Variants in MYO1F observed in about 807,000 individuals in gnomAD.
The protein encoded by MYO1F is myosin IF, also known as unconventional myosin-If.
Under a neutral mutation model 146.6 loss-of-function variants are expected in MYO1F, and 60 were observed. The ratio of observed to expected loss-of-function variants is 0.41; its 90% confidence interval spans 0.33 to 0.51. MYO1F has a LOEUF of 0.51. MYO1F is among the 20% of genes least tolerant of loss of function. The pLI is 0.25. For missense variants in MYO1F, 1,274 were observed against 1,534.3 expected (o/e 0.83, Z 2.83); for synonymous variants, 602 against 602.1 (o/e 1.00, Z 0.00).
chr19:8,528,348 G>C (rs1972350692), intron 21 of MYO1F, among the ~76,000 whole-genome samples: 1 of 151,926 alleles, frequency 6.6e-6, no homozygotes, highest in African/African-American at 2.4e-5. Context: ...CTAATACCAT[G>C]AAACCCCATC....
At chr19:8,562,734 A>G (rs1296369354) in intron 1 of MYO1F, among the ~76,000 whole-genome samples, 2 of 148,994 alleles carry the variant, frequency 1.3e-5, no homozygotes, top group East Asian at 2.0e-4. Flanking sequence ...GGGTCTCCCT[A>G]TGTTGCCCAG....
chr19:8,531,252 C>T (rs1302158244), intron 19 of MYO1F, among the ~76,000 whole-genome samples: 1 of 151,944 alleles, frequency 6.6e-6, no homozygotes, highest in Non-Finnish European at 1.5e-5. Context: ...GAGGCTGAGG[C>T]AGGAGAATCA....
Position 8,557,026 on chromosome 19 carries a change from C to T in MYO1F, c.4-1230G>A, listed in dbSNP as rs180965514. 3.1e-3 allele frequency among the ~76,000 whole-genome samples: 467 copies of T among 152,144 alleles called. 12 individuals carry two copies. Among genetic ancestry groups the T allele is most frequent in the Admixed American group, 0.026 (403 of 15,256 alleles). ...TGGGGCCAGACGCAATGGCTCACAC[C>T]TGTAATCCCAGCACTTTGGGAGGCC... On this transcript the variant is annotated intron_variant, in intron 1 of 27. Transcript: ENST00000644032.
At chr19:8,533,119 G>A (rs1972559530) in intron 19 of MYO1F, among the ~76,000 whole-genome samples, 1 of 151,876 alleles carries the variant, frequency 6.6e-6, no homozygotes, top group South Asian at 2.1e-4. Flanking sequence ...GCAGTGGTGC[G>A]ATCTCGGCTC....
rs753313833 is a variant in MYO1F at position 8,554,586 on chromosome 19, C to T, written c.232-15G>A. ...TCATACTGGGCCTGGCAGGGGAGGTCAGGTCTCAGCCCAGGGCTGGGGGCC... is the reference window on the plus strand; with the variant it reads ...TCATACTGGGCCTGGCAGGGGAGGTTAGGTCTCAGCCCAGGGCTGGGGGCC... On this transcript the variant is annotated splice_polypyrimidine_tract_variant and intron_variant, in intron 3 of 27. Transcript: ENST00000644032. 7 of 1,611,964 alleles carry T rather than the reference C, an allele frequency of 4.3e-6. No individual in the cohort carries two copies. In the African/African-American group the frequency reaches 8.0e-5, roughly 18 times the overall value.
rs201910417 is a variant in MYO1F at position 8,551,758 on chromosome 19, G to A, written c.753C>T (p.Ser251=). The change falls in exon 8 of 28, where the codon AGC becomes AGT. Residue 251 remains serine (S), a synonymous_variant. Coordinates refer to ENST00000644032, the MANE Select transcript of MYO1F (RefSeq NM_012335.4). ...TGCTCACCAGAGTCTCACCAAAGTC[G>A]CTTCTGTCGTCCGTGCCGTCCACCT... ...TYQVDGTDDR[S]DFGETLSAMQ... 46 of 1,614,006 alleles carry A rather than the reference G, an allele frequency of 2.9e-5. 1 individual carries two copies. The Admixed American group carries it at 3.0e-4, about 11-fold the overall frequency.
chr19:8,554,809 C>T, intron 2 of MYO1F, 66 bp from the exon 3 acceptor site: 1 of 1,432,322 alleles, frequency 7.0e-7, no homozygotes, highest in Non-Finnish European at 9.8e-7. Flanking sequence ...CCTCATCCTG[C>T]CCCCACCCAG....
At chr19:8,563,845 T>C (rs2041951998) in intron 1 of MYO1F, among the ~76,000 whole-genome samples, 2 of 151,402 alleles carry the variant, frequency 1.3e-5, no homozygotes, top group Admixed American at 1.3e-4. Context: ...GCCAGGCTGG[T>C]CTCAAACTCC....
At chr19:8,547,300 C>CAAAAAAA (rs1196814670) in intron 12 of MYO1F, among the ~76,000 whole-genome samples, 1 of 44,994 alleles carries the variant, frequency 2.2e-5, no homozygotes. Flanking sequence ...GTTCCTGTCT[C>CAAAAAAA]AAAAAAAAAA....
At chr19:8,564,428 G>A (rs1339038506) in intron 1 of MYO1F, among the ~76,000 whole-genome samples, 3 of 152,122 alleles carry the variant, frequency 2.0e-5, no homozygotes, top group African/African-American at 7.2e-5. Context: ...TGCACTGAGA[G>A]TCCCTGGGGT....
intron 21 of MYO1F, chr19:8,529,765 A>C (rs1208171517): frequency 3.1e-6 from 1 of 324,270 alleles, no homozygotes; most frequent in African/African-American, 2.2e-5. Context: ...CTACAAGTGC[A>C]TGTTTGATGG....
intron 22 of MYO1F, 115 bp downstream of exon 22, chr19:8,527,223 G>T: frequency 7.1e-7 from 1 of 1,415,992 alleles, no homozygotes; most frequent in Non-Finnish European, 9.8e-7. Context: ...GCCAACAGAG[G>T]GCTACAGGCA....
chr19:8,544,809 T>C (rs2145893873), intron 13 of MYO1F, among the ~76,000 whole-genome samples: 1 of 152,184 alleles, frequency 6.6e-6, no homozygotes, highest in South Asian at 2.1e-4. Flanking sequence ...GGAGTCTTGC[T>C]CTCTTGCCCA....
chr19:8,551,922 C>T (rs745399653), intron 7 of MYO1F, 48 bp from the exon 8 acceptor site: 18 of 1,613,810 alleles, frequency 1.1e-5, no homozygotes, highest in Middle Eastern at 1.6e-4. Context: ...CTGGCTCAGC[C>T]CCTGTGATCC....
chr19:8,527,602 A>G, intron 21 of MYO1F, 119 bp from the exon 22 acceptor site: 3 of 1,257,484 alleles, frequency 2.4e-6, no homozygotes. Flanking sequence ...GGAGCCCTCC[A>G]GGTGAAGGTG....
chr19:8,551,897 G>A, intron 7 of MYO1F, 23 bp from the exon 8 acceptor site: 2 of 1,614,020 alleles, frequency 1.2e-6, no homozygotes, highest in African/African-American at 1.3e-5. Flanking sequence ...CCATGTTCAT[G>A]CATCTGGTGC....
chr19:8,553,057 G>A (rs912604467), intron 6 of MYO1F, 82 bp downstream of exon 6: 68 of 1,289,268 alleles, frequency 5.3e-5, no homozygotes, highest in Non-Finnish European at 7.3e-5. Flanking sequence ...TTGGCAATAC[G>A]GGTGTGTGTA....
intron 12 of MYO1F, among the ~76,000 whole-genome samples, chr19:8,546,985 T>G (rs1973386639): frequency 6.6e-6 from 1 of 151,986 alleles, no homozygotes; most frequent in African/African-American, 2.4e-5. Context: ...AGCCTCTCTC[T>G]CTCTCTTTGT....
intron 21 of MYO1F, chr19:8,529,914 G>T: frequency 1.7e-6 from 1 of 582,872 alleles, no homozygotes; most frequent in South Asian, 1.9e-5. Context: ...GCTAGGTGAG[G>T]ATATACCTGT....
Sources: gnomAD v4.1 joint callset for allele counts (sites outside exome capture counted in the v4.1 genomes callset) on GRCh38, gnomAD v4.1.1 for gene constraint, MANE v1.5 for transcripts, NCBI Gene and HGNC (gene_info 2026-07-23, HGNC 2026-07-21) for gene names.